GSG1L2: variants seen among roughly 807,000 people sequenced by gnomAD.
GSG1L2 encodes GSG1 like 2, also known as germ cell-specific gene 1-like protein 2.
In GSG1L2, 15 loss-of-function variants were observed where a neutral mutation model predicts 9.0. The ratio of observed to expected loss-of-function variants is 1.67; its 90% CI spans 1.12 to 2.57. GSG1L2 has a LOEUF of 2.57. Among genes scored for constraint, GSG1L2 ranks in the 30% most tolerant of loss-of-function variants. GSG1L2 has a pLI of 0.00. For synonymous variants in GSG1L2, 127 were observed against 57.9 expected, an observed-to-expected ratio of 2.19 and a Z score of -5.41; for missense variants, 286 against 150.3, an observed-to-expected ratio of 1.90 and a Z score of -4.72.
intron 3 of GSG1L2, 102 bp downstream of exon 3, chr17:9,808,718 AATGGCCATTG>A: frequency 3.2e-6 from 2 of 615,988 alleles, no homozygotes; most frequent in Non-Finnish European, 5.9e-6. Flanking sequence ...GCCCTGCTTA[AATGGCCATTG>A]ATGGGAAAGA....
chr17:9,804,924 A>T (rs1173891055), intron 4 of GSG1L2: 1 of 152,244 alleles, frequency 6.6e-6, no homozygotes, highest in East Asian at 1.9e-4. Flanking sequence ...TGAGAAAAGA[A>T]GATGCTGTAT....
chr17:9,814,831 C>T (rs1341541381), intron 1 of GSG1L2, among the ~76,000 whole-genome samples: 1 of 152,152 alleles, frequency 6.6e-6, no homozygotes, highest in East Asian at 1.9e-4. Context: ...CCACTCCGCC[C>T]CTATCCTTTA....
rs1026507404 is a variant in GSG1L2, at chr17:9,801,731, C to T, written c.*655G>A. 1.1e-4 allele frequency among the ~76,000 whole-genome samples: 17 copies of T among 152,226 alleles called. No individual in the cohort carries two copies. Among genetic ancestry groups the T allele is most frequent in the African/African-American group, 3.6e-4 (15 of 41,458 alleles). On this transcript the variant is annotated 3_prime_UTR_variant, in exon 5 of 5. Coordinates refer to ENST00000399363, the MANE Select transcript of GSG1L2 (RefSeq NM_001310219.2). ...TTTAATTTAAGCAGAACAACTCAAACATGTGTTCCACTTAAACTAAGATAA... is the reference window on the plus strand; with the variant it reads ...TTTAATTTAAGCAGAACAACTCAAATATGTGTTCCACTTAAACTAAGATAA...
At chr17:9,810,942 C>A in intron 1 of GSG1L2, 1 of 363,382 alleles carries the variant, frequency 2.8e-6, no homozygotes, top group Non-Finnish European at 5.0e-6. Context: ...AGGAAGTCTC[C>A]ATCAGCCTGG....
intron 1 of GSG1L2, among the ~76,000 whole-genome samples, chr17:9,811,772 C>T (rs752986893): frequency 6.6e-6 from 1 of 152,162 alleles, no homozygotes; most frequent in Admixed American, 6.5e-5. Context: ...AGGCAGTTTC[C>T]GTGTTAGAGC....
intron 1 of GSG1L2, among the ~76,000 whole-genome samples, chr17:9,811,308 T>G (rs542633758): frequency 2.6e-4 from 40 of 152,288 alleles, no homozygotes; most frequent in African/African-American, 9.4e-4. Context: ...ATTTCTTGAC[T>G]ATGAAAGGAA....
intron 1 of GSG1L2, among the ~76,000 whole-genome samples, chr17:9,813,024 C>G (rs60881471): frequency 6.6e-6 from 1 of 152,070 alleles, no homozygotes; most frequent in Admixed American, 6.5e-5. Context: ...CTAATCACCA[C>G]GCAAAGGCCC....
At position 9,803,166 on chromosome 17, in the gene GSG1L2, T is replaced by A. The variant is rs1256778; in HGVS notation, c.624-522A>T. 2.7e-5 allele frequency among the ~76,000 whole-genome samples: 4 copies of A among 147,622 alleles called. No homozygotes were observed. The East Asian group carries it at 8.1e-4, about 30-fold the overall frequency. ...TCGCCCAGGCTGGAGTGCAATGGCA[T>A]GATCTTGGCTCACTGCAACCTCTGC... On this transcript the variant is annotated intron_variant, in intron 4 of 4. Transcript: ENST00000399363.
intron 1 of GSG1L2, among the ~76,000 whole-genome samples, chr17:9,813,750 A>T (rs546138102): frequency 6.6e-6 from 1 of 152,300 alleles, no homozygotes; most frequent in Admixed American, 6.5e-5. Context: ...CAGCAGATGG[A>T]TACCATGGGC....
At chr17:9,808,666 C>T in intron 3 of GSG1L2, 164 bp downstream of exon 3, 1 of 567,830 alleles carries the variant, frequency 1.8e-6, no homozygotes, top group Non-Finnish European at 3.1e-6. Context: ...ATATTGTCTC[C>T]AGCCAATGGA....
Position 9,820,615 on chromosome 17 carries a change from G to A in GSG1L2, c.310+1147C>T, listed in dbSNP as rs576564895. On this transcript the variant is annotated intron_variant, in intron 1 of 4. Coordinates refer to ENST00000399363, the MANE Select transcript of GSG1L2 (RefSeq NM_001310219.2). This position sits in a 1 kb window ranked among gnomAD's most constrained non-coding sequence, Gnocchi z 4.9. The stretch of plus-strand genomic sequence containing the variant: ...GTACTGCCCCACATTGGCCACCACT[G>A]GGAGAGAGGGTGGAAGGGAGGGACA... Among the ~76,000 whole-genome samples the A allele has an allele frequency of 6.6e-6, 1 of 151,876 alleles. No homozygotes were observed. The highest frequency in any genetic ancestry group is 2.1e-4 in the South Asian group (1 of 4,810).
intron 4 of GSG1L2, chr17:9,804,025 A>C (rs1423814366): frequency 6.6e-6 from 1 of 152,292 alleles, no homozygotes; most frequent in Admixed American, 6.5e-5. Flanking sequence ...AAATGAGGGC[A>C]GAAACTCATT....
At chr17:9,809,170 G>A (rs552430339) in intron 2 of GSG1L2, 188 bp from the exon 3 acceptor site, 3 of 582,288 alleles carry the variant, frequency 5.2e-6, no homozygotes, top group East Asian at 5.8e-5. Context: ...TGAAAGAGAC[G>A]GTTGTAGGGA....
chr17:9,807,293 CA>C (rs1307416349), intron 4 of GSG1L2, among the ~76,000 whole-genome samples, 196 bp downstream of exon 4: 1 of 152,200 alleles, frequency 6.6e-6, no homozygotes, highest in Non-Finnish European at 1.5e-5. Flanking sequence ...AATCCCTATA[CA>C]AACATTTGAG....
chr17:9,819,087 TA>T (rs979249140), intron 1 of GSG1L2, among the ~76,000 whole-genome samples: 11 of 152,158 alleles, frequency 7.2e-5, no homozygotes, highest in Non-Finnish European at 1.2e-4. Context: ...GCGTCTGTCA[TA>T]ATCACCAGGG....
At chr17:9,816,558 G>A (rs1163807503) in intron 1 of GSG1L2, among the ~76,000 whole-genome samples, 1 of 142,630 alleles carries the variant, frequency 7.0e-6, no homozygotes, top group Non-Finnish European at 1.5e-5. Context: ...GTCTGTGTGT[G>A]CATGCATATC....
intron 4 of GSG1L2, chr17:9,805,138 A>T (rs2066511982): frequency 6.6e-6 from 1 of 152,210 alleles, no homozygotes; most frequent in African/African-American, 2.4e-5. Context: ...AAAAGACCTA[A>T]TATCTAACTA....
chr17:9,820,679 T>C lies in GSG1L2; in HGVS notation c.310+1083A>G, dbSNP rs2066585682. Among the ~76,000 whole-genome samples, 1 of 151,620 alleles carries C rather than the reference T, an allele frequency of 6.6e-6. No individual in the cohort carries two copies. Among genetic ancestry groups the C allele is most frequent in the African/African-American group, 2.4e-5 (1 of 41,286 alleles). On this transcript the variant is annotated intron_variant, in intron 1 of 4. Coordinates refer to ENST00000399363, the MANE Select transcript of GSG1L2 (RefSeq NM_001310219.2). The surrounding 1 kb of genome is among the most constrained non-coding windows in gnomAD (Gnocchi z 4.9). ...AGTGTTCCTTTTTTTTTTTTTTTAATTTGAGACAGGTCTCGCTCTATCATT... is the reference window on the plus strand; with the variant it reads ...AGTGTTCCTTTTTTTTTTTTTTTAACTTGAGACAGGTCTCGCTCTATCATT...
At chr17:9,807,141 T>TCCCC (rs2066518945) in intron 4 of GSG1L2, among the ~76,000 whole-genome samples, 1 of 152,100 alleles carries the variant, frequency 6.6e-6, no homozygotes, top group South Asian at 2.1e-4. Context: ...GGGCTGGGTC[T>TCCCC]CCCCCAGTTG....
Sources: gnomAD v4.1 joint callset for allele counts (sites outside exome capture counted in the v4.1 genomes callset) on GRCh38, gnomAD v4.1.1 for gene constraint, Gnocchi (gnomAD v3.1) non-coding constraint, MANE v1.5 for transcripts, NCBI Gene and HGNC (gene_info 2026-07-23, HGNC 2026-07-21) for gene names.